The following MCM10 variants were observed in gnomAD, a reference collection of about 807,000 sequenced individuals.
MCM10 encodes minichromosome maintenance 10 replication initiation factor, also known as protein MCM10 homolog.
Under a neutral mutation model 109.9 loss-of-function variants are expected in MCM10, and 91 were observed. The observed-to-expected ratio is 0.83, with a 90% confidence interval of 0.70 to 0.99. The LOEUF is 0.99. MCM10 is among the 50% of genes least tolerant of loss of function. MCM10 has a pLI of 0.00. For missense variants in MCM10, 1,077 were observed against 1,061.2 expected, an observed-to-expected ratio of 1.01 and a Z score of -0.21; for synonymous variants, 380 against 387.2, an observed-to-expected ratio of 0.98 and a Z score of 0.22.
Position 13,204,257 on chromosome 10 carries a change from C to T in MCM10, c.2391C>T (p.Val797=). 6.2e-7 allele frequency: 1 copy of T among 1,614,174 alleles called. No homozygotes were observed. The highest frequency in any genetic ancestry group is 8.5e-7 in the Non-Finnish European group (1 of 1,180,036). ...ACTTCAAGCTGCTGGAGACCTGCGTCAGTGAGCAGCATGAATACCACTGGC... is the reference window on the plus strand; with the variant it reads ...ACTTCAAGCTGCTGGAGACCTGCGTTAGTGAGCAGCATGAATACCACTGGC... ...YTHFKLLETC[V]SEQHEYHWHD... Residue 797 remains valine (V), a synonymous_variant, in exon 18 of 20, where the codon GTC becomes GTT. Coordinates refer to ENST00000378714, the MANE Select transcript of MCM10 (RefSeq NM_018518.5).
At chr10:13,169,860 C>T (rs948882573) in intron 2 of MCM10, among the ~76,000 whole-genome samples, 4 of 152,190 alleles carry the variant, frequency 2.6e-5, no homozygotes, top group African/African-American at 9.6e-5. Context: ...CACGGGCCAC[C>T]ACGCCCAGCT....
intron 8 of MCM10, 41 bp from the exon 9 acceptor site, chr10:13,186,123 A>T (rs1300272733): frequency 5.2e-6 from 6 of 1,152,596 alleles, no homozygotes; most frequent in Non-Finnish European, 7.8e-6. Flanking sequence ...AAAGGCCATA[A>T]TTTTGTCCGC....
At chr10:13,170,871 G>A (rs1295487086) in intron 2 of MCM10, 51 bp from the exon 3 acceptor site, 3 of 1,521,868 alleles carry the variant, frequency 2.0e-6, no homozygotes, top group Non-Finnish European at 9.0e-7. Context: ...AAAGTTGAAT[G>A]TTTGGAATTA....
rs908835401 is a variant in MCM10, at chr10:13,204,307, A to G, written c.2441A>G (p.Lys814Arg). ...CATGATGGTGTGAAGAGGTTTTTCA[A>G]ATGTCCCTGTGGAAACAGAAGCATC... is the stretch of plus-strand genomic sequence containing the variant. The part of the protein sequence containing the change: ...HWHDGVKRFF[K>R]CPCGNRSISL... The change falls in exon 18 of 20, where the codon AAA becomes AGA. Residue 814 changes from lysine (K) to arginine (R), a missense_variant. Transcript: ENST00000378714. 1.2e-6 allele frequency: 2 copies of G among 1,614,196 alleles called. No homozygotes were observed. Among genetic ancestry groups the G allele is most frequent in the East Asian group, 2.2e-5 (1 of 44,892 alleles).
intron 15 of MCM10, among the ~76,000 whole-genome samples, 170 bp from the exon 16 acceptor site, chr10:13,198,519 C>T (rs572287395): frequency 1.3e-5 from 2 of 152,224 alleles, no homozygotes; most frequent in South Asian, 4.1e-4. Context: ...CTAGGCTCAG[C>T]TTCTTGGCTC....
intron 11 of MCM10, among the ~76,000 whole-genome samples, chr10:13,191,714 A>G (rs1834350014): frequency 6.6e-6 from 1 of 152,188 alleles, no homozygotes; most frequent in African/African-American, 2.4e-5. Context: ...GCAGGACCTT[A>G]AGGAAAAAAA....
intron 8 of MCM10, among the ~76,000 whole-genome samples, chr10:13,185,566 C>G (rs987029279): frequency 1.3e-5 from 2 of 152,190 alleles, no homozygotes; most frequent in African/African-American, 4.8e-5. Flanking sequence ...CCAATGCTAG[C>G]TCTAAGGAGT....
chr10:13,166,230 T>C (rs148877544), intron 2 of MCM10, among the ~76,000 whole-genome samples: 1 of 152,028 alleles, frequency 6.6e-6, no homozygotes, highest in African/African-American at 2.4e-5. Context: ...AGTGGAAGAA[T>C]TGGCTGTGAA....
chr10:13,191,443 T>G (rs941128301), intron 11 of MCM10, 44 bp downstream of exon 11: 18 of 1,500,946 alleles, frequency 1.2e-5, no homozygotes, highest in Non-Finnish European at 1.7e-5. Flanking sequence ...CCAGTTTAAT[T>G]ATGCAGCCTT....
intron 2 of MCM10, among the ~76,000 whole-genome samples, chr10:13,170,034 C>T (rs1441124239): frequency 6.6e-6 from 1 of 152,216 alleles, no homozygotes; most frequent in Non-Finnish European, 1.5e-5. Context: ...TTGGGTTAAT[C>T]TTACAAGCAA....
intron 3 of MCM10, 110 bp downstream of exon 3, chr10:13,171,373 CTT>C (rs1834071412): frequency 9.4e-7 from 1 of 1,061,152 alleles, no homozygotes; most frequent in East Asian, 2.6e-5. Context: ...AGATAAATGA[CTT>C]TGTAAAAAAA....
In MCM10 at chr10:13,204,282, CATG is replaced by C; in HGVS notation, c.2420_2422del (p.Asp807del). 6.2e-7 allele frequency: 1 copy of C among 1,614,220 alleles called. No homozygotes were observed. Among genetic ancestry groups the C allele is most frequent in the Non-Finnish European group, 8.5e-7 (1 of 1,180,032 alleles). ...CAGTGAGCAGCATGAATACCACTGGCATGATGGTGTGAAGAGGTTTTTCAAATG... is the reference window on the plus strand; with the variant it reads ...CAGTGAGCAGCATGAATACCACTGGCATGGTGTGAAGAGGTTTTTCAAATG... On this transcript the variant is annotated inframe_deletion, in exon 18 of 20. Transcript: ENST00000378714.
At chr10:13,167,478 G>A (rs1194712531) in intron 2 of MCM10, among the ~76,000 whole-genome samples, 2 of 152,126 alleles carry the variant, frequency 1.3e-5, no homozygotes, top group African/African-American at 2.4e-5. Flanking sequence ...GGGTAGCTAA[G>A]ATGGGGAGTG....
chr10:13,183,087 A>T lies in MCM10; in HGVS notation c.1085A>T (p.Asp362Val). 6.2e-7 allele frequency: 1 copy of T among 1,613,920 alleles called. No individual in the cohort carries two copies. The highest frequency in any genetic ancestry group is 1.3e-5 in the African/African-American group (1 of 75,022). ...AATGCCAACCCCATGAAGCCCAAGG[A>T]TGGTTCAGAGGAGGTAAGAGCCTGT... ...ILNANPMKPK[D>V]GSEEVCLSID... Residue 362 changes from aspartate to valine, a missense_variant, in exon 8 of 20, where the codon GAT becomes GTT. Physicochemically the swap from Asp to Val is radical, Grantham distance 152. Coordinates refer to ENST00000378714, the MANE Select transcript of MCM10 (RefSeq NM_018518.5).
intron 9 of MCM10, among the ~76,000 whole-genome samples, chr10:13,187,910 C>T (rs1375254546): frequency 6.6e-6 from 1 of 152,130 alleles, no homozygotes. Context: ...TTTGGGTGGC[C>T]GAAGTGGGCC....
chr10:13,180,406 G>T, intron 6 of MCM10, 36 bp from the exon 7 acceptor site: 1 of 1,579,574 alleles, frequency 6.3e-7, no homozygotes, highest in South Asian at 1.1e-5. Flanking sequence ...TTCTTTATTA[G>T]AATCATAATT....
rs1241012396 is a variant in MCM10 at position 13,204,990 on chromosome 10, GTATGTATGTATGTATATATA to G, written c.2498+630_2498+649del. Among the ~76,000 whole-genome samples, 512 of 118,632 alleles carry G rather than the reference GTATGTATGTATGTATATATA, an allele frequency of 4.3e-3. 5 individuals are homozygous for G. Among genetic ancestry groups the G allele is most frequent in the Middle Eastern group, 8.0e-3 (2 of 250 alleles). 77.8% of individuals were successfully genotyped at this position (118,632 alleles called of 152,430 possible). On this transcript the variant is annotated intron_variant, in intron 18 of 19. Transcript: ENST00000378714. ...ATTTTTTATTGTGCTTCTCATGTAT[GTATGTATGTATGTATATATA>G]TATATATATATATATATATATATAT...
chr10:13,189,187 A>G (rs1834316048), intron 10 of MCM10, 107 bp downstream of exon 10: 1 of 1,217,336 alleles, frequency 8.2e-7, no homozygotes, highest in Non-Finnish European at 1.2e-6. Flanking sequence ...TACAGGTTTT[A>G]TCTTTCATAA....
chr10:13,171,286 T>A, intron 3 of MCM10, 23 bp downstream of exon 3: 1 of 1,566,708 alleles, frequency 6.4e-7, no homozygotes, highest in Non-Finnish European at 8.6e-7. Flanking sequence ...CTTGCCTTCC[T>A]TATTTCTTTC....
Sources: allele counts gnomAD v4.1 joint callset (sites outside exome capture counted in the v4.1 genomes callset), GRCh38; gene constraint gnomAD v4.1.1; transcripts MANE v1.5; gene names NCBI Gene and HGNC (gene_info 2026-07-23, HGNC 2026-07-21).